Variants in SPDYE5 observed in about 807,000 individuals in gnomAD.
SPDYE5 encodes the protein speedy/RINGO cell cycle regulator family member E5, also known as speedy protein E5.
In SPDYE5, 15 loss-of-function variants were observed where a neutral mutation model predicts 48.5. The ratio of observed to expected loss-of-function variants is 0.31; its 90% CI spans 0.21 to 0.48. The LOEUF (loss-of-function observed/expected upper bound fraction) is 0.48, where lower values mean the gene tolerates loss of function less well. Among genes scored for constraint, SPDYE5 ranks in the 20% least tolerant of loss-of-function variants. SPDYE5 has a pLI of 0.99. For missense variants in SPDYE5, 331 were observed against 549.1 expected (o/e 0.60, Z 3.97); for synonymous variants, 116 against 200.7 (o/e 0.58, Z 3.57).
In SPDYE5 at chr7:75,501,626, G is replaced by A. The variant is rs2116626268; in HGVS notation, c.1020G>A (p.Gln340=). 6.2e-7 allele frequency: 1 copy of A among 1,613,216 alleles called. No homozygotes were observed. Among genetic ancestry groups the A allele is most frequent in the Admixed American group, 1.7e-5 (1 of 59,974 alleles). Residue 340 remains glutamine (Q), a synonymous_variant, in exon 7 of 9, where the codon CAG becomes CAA. Coordinates refer to ENST00000625065, the MANE Select transcript of SPDYE5 (RefSeq NM_001306141.4). ...CCTTGCTCCGTAAGCGTCGGTTCCA[G>A]TTAGGCCGTTCCATGAACCTGAGGG... ...RIPLLRKRRF[Q]LGRSMNLRAR...
Position 75,503,502 on chromosome 7 carries a change from A to G in SPDYE5, c.*715A>G, listed in dbSNP as rs1793223157. 6.5e-6 allele frequency: 1 copy of G among 153,052 alleles called. No homozygotes were observed. Among genetic ancestry groups the G allele is most frequent in the African/African-American group, 2.4e-5 (1 of 41,400 alleles). 9.5% of individuals were successfully genotyped at this position (153,052 alleles called of 1,614,324 possible). A position where few individuals can be genotyped will look rare whatever the true frequency, so the allele number is the denominator to read the frequency against. ...TTATCTTTAAATTTCTTTCTGTATT[A>G]TTATATGTGCTCCTGAAGCGAGCAC... On this transcript the variant is annotated 3_prime_UTR_variant, in exon 9 of 9. Coordinates refer to ENST00000625065, the MANE Select transcript of SPDYE5 (RefSeq NM_001306141.4).
intron 2 of SPDYE5, chr7:75,494,739 G>C (rs1792864051): frequency 1.4e-6 from 1 of 721,986 alleles, no homozygotes; most frequent in Non-Finnish European, 1.7e-6. Context: ...GTACAAAATG[G>C]AGCTGGGCAT....
chr7:75,493,080 G>T (rs1792795645), intron 1 of SPDYE5, among the ~76,000 whole-genome samples: 1 of 152,178 alleles, frequency 6.6e-6, no homozygotes, highest in African/African-American at 2.4e-5. Flanking sequence ...GGGATTACAA[G>T]CATGAGCCAC....
intron 3 of SPDYE5, 55 bp downstream of exon 3, chr7:75,495,429 A>G (rs1344089270): frequency 6.3e-7 from 1 of 1,586,646 alleles, no homozygotes; most frequent in Non-Finnish European, 8.5e-7. Context: ...AAAAGAGGAA[A>G]CTTCCAATAA....
intron 1 of SPDYE5, among the ~76,000 whole-genome samples, chr7:75,492,874 C>T (rs1468432359): frequency 6.6e-6 from 1 of 152,204 alleles, no homozygotes; most frequent in Non-Finnish European, 1.5e-5. Flanking sequence ...TGGCTCACTG[C>T]AGCTTCTAAC....
At chr7:75,494,401 C>T (rs1388722036) in intron 2 of SPDYE5, among the ~76,000 whole-genome samples, 194 bp downstream of exon 2, 3 of 150,584 alleles carry the variant, frequency 2.0e-5, no homozygotes, top group Admixed American at 1.3e-4. Flanking sequence ...TAAAAATTAG[C>T]CAAGTGGTAG....
In SPDYE5 at chr7:75,494,173, G is replaced by A. The variant is rs1792838297; in HGVS notation, c.126G>A (p.Gln42=). 1 of 1,534,950 alleles carries A rather than the reference G, an allele frequency of 6.5e-7. No homozygotes were observed. The highest frequency in any genetic ancestry group is 2.0e-5 in the Admixed American group (1 of 50,940). Residue 42 remains glutamine (Q), a synonymous_variant, in exon 2 of 9, where the codon CAG becomes CAA. Transcript: ENST00000625065. ...PQRSTSGYPL[Q]EVVDDEVLGP... is the part of the protein sequence containing the mutation. Reference sequence around the variant, plus strand: ...GGAGCACCTCGGGGTACCCCCTCCAGGAGGTGGTGGATGATGAAGTGTTGG... The same window carrying A: ...GGAGCACCTCGGGGTACCCCCTCCAAGAGGTGGTGGATGATGAAGTGTTGG...
intron 3 of SPDYE5, among the ~76,000 whole-genome samples, chr7:75,496,385 T>G (rs1391817422): frequency 1.2e-5 from 1 of 82,324 alleles, no homozygotes. Context: ...AGACTGTTTC[T>G]CAACAACAAC....
chr7:75,495,919 A>C (rs587647148), intron 3 of SPDYE5, among the ~76,000 whole-genome samples: 5 of 151,298 alleles, frequency 3.3e-5, no homozygotes, highest in African/African-American at 1.2e-4. Flanking sequence ...TATCCCAGCT[A>C]CTCGGGAGGC....
rs201255428 is a variant in SPDYE5 at position 75,495,239 on chromosome 7, C to A, written c.244C>A (p.Pro82Thr). The change falls in exon 3 of 9, where the codon CCG (proline) becomes ACG (threonine). Residue 82 changes from proline to threonine, a missense_variant. Pro to Thr is a conservative substitution (Grantham distance 38). Transcript: ENST00000625065. ...GTGGTCAGATGAATCTGCGGAGGAGCCGGAGAAGGAGCTCGCCCCTGAACC... is the reference window on the plus strand; with the variant it reads ...GTGGTCAGATGAATCTGCGGAGGAGACGGAGAAGGAGCTCGCCCCTGAACC... Reference protein sequence around the residue: ...REWSDESAEEPEKELAPEPEE... With the variant: ...REWSDESAEETEKELAPEPEE... 4.2e-4 allele frequency: 678 copies of A among 1,596,910 alleles called. 4 individuals carry two copies. Among genetic ancestry groups the A allele is most frequent in the South Asian group, 3.4e-3 (305 of 90,936 alleles).
At chr7:75,492,502 G>A (rs879949228) in intron 1 of SPDYE5, among the ~76,000 whole-genome samples, 61 bp downstream of exon 1, 6 of 152,100 alleles carry the variant, frequency 3.9e-5, no homozygotes, top group Non-Finnish European at 7.3e-5. Flanking sequence ...ACAATGGTGC[G>A]ATCTTGGCTC....
At chr7:75,497,099 G>A (rs782090822) in intron 4 of SPDYE5, among the ~76,000 whole-genome samples, 195 bp downstream of exon 4, 61 of 151,996 alleles carry the variant, frequency 4.0e-4, no homozygotes, top group Non-Finnish European at 7.8e-4. Context: ...AAAGGTCAGC[G>A]CTTGGGATAA....
At chr7:75,499,583 A>G (rs1285414356) in intron 6 of SPDYE5, among the ~76,000 whole-genome samples, 1 of 152,102 alleles carries the variant, frequency 6.6e-6, no homozygotes, top group Non-Finnish European at 1.5e-5. Flanking sequence ...CCTGGCCAAC[A>G]TGGCCAAACC....
rs1198289070 is a variant in SPDYE5, at chr7:75,492,422, G to A, written c.-441G>A. ...GAAAGCAGCAGCCCATTAGGAAAACGTGTGGGAACTCACTCGCAGGTTCTT... is the reference window on the plus strand; with the variant it reads ...GAAAGCAGCAGCCCATTAGGAAAACATGTGGGAACTCACTCGCAGGTTCTT... On this transcript the variant is annotated 5_prime_UTR_variant, in exon 1 of 9. It adds an upstream start codon to the 5' untranslated region. Coordinates refer to ENST00000625065, the MANE Select transcript of SPDYE5 (RefSeq NM_001306141.4). 2.6e-5 allele frequency among the ~76,000 whole-genome samples: 4 copies of A among 152,204 alleles called. No individual in the cohort carries two copies. Among genetic ancestry groups the A allele is most frequent in the Middle Eastern group, 3.4e-3 (1 of 294 alleles).
In SPDYE5 at chr7:75,503,802, ATATT is replaced by A. The variant is rs1324540601; in HGVS notation, c.*1022_*1025del. On this transcript the variant is annotated 3_prime_UTR_variant, in exon 9 of 9. Transcript: ENST00000625065. Reference sequence around the variant, plus strand: ...TTATTTATTGAAATATTTATTAAATATATTTATTTAAATATTATTACTTGAAATA... The same window carrying A: ...TTATTTATTGAAATATTTATTAAATATATTTAAATATTATTACTTGAAATA... The A allele has an allele frequency of 1.7e-4, 26 of 149,850 alleles. No individual in the cohort carries two copies. Among genetic ancestry groups the A allele is most frequent in the Non-Finnish European group, 2.5e-4 (17 of 67,546 alleles). The allele number at this position is 149,850 out of a possible 1,614,324, so 9.3% of individuals were successfully genotyped here.
At chr7:75,492,308 G>A (rs1554481849), upstream of SPDYE5, among the ~76,000 whole-genome samples, 1 of 152,138 alleles carries the variant, frequency 6.6e-6, no homozygotes, top group African/African-American at 2.4e-5. Context: ...CTCCAGAAAA[G>A]CAGAGCTTCC....
chr7:75,493,971 C>T lies in SPDYE5; in HGVS notation c.-77C>T. 1 of 1,516,362 alleles carries T rather than the reference C, an allele frequency of 6.6e-7. No homozygotes were observed. Among genetic ancestry groups the T allele is most frequent in the Non-Finnish European group, 8.8e-7 (1 of 1,137,182 alleles). 93.9% of individuals were successfully genotyped at this position (1,516,362 alleles called of 1,614,324 possible). On this transcript the variant is annotated 5_prime_UTR_variant, in exon 2 of 9. Transcript: ENST00000625065. Reference sequence around the variant, plus strand: ...ACAACAGTATCTTCTCAGAGCTGTTCTCCACTCCTGACTTCTCCTAGGCTT... The same window carrying T: ...ACAACAGTATCTTCTCAGAGCTGTTTTCCACTCCTGACTTCTCCTAGGCTT...
rs781946218 is a variant in SPDYE5, at chr7:75,501,912, C to T, written c.1184C>T (p.Ala395Val). 2.5e-5 allele frequency: 40 copies of T among 1,609,918 alleles called. No homozygotes were observed. The highest frequency in any genetic ancestry group is 6.7e-5 in the Admixed American group (4 of 59,914). Residue 395 changes from alanine (A) to valine (V), a missense_variant, in exon 8 of 9, where the codon GCG (alanine) becomes GTG (valine). Around this residue, in one of 8 missense-constraint regions of SPDYE5, gnomAD observed 101 missense variants for 104.0 expected, o/e 0.97. Coordinates refer to ENST00000625065, the MANE Select transcript of SPDYE5 (RefSeq NM_001306141.4). Reference sequence around the variant, plus strand: ...TATGACCCAGAGCACTGGGTGTGGGCGCGAGATCGCGCTCACCTTTCCTAG... The same window carrying T: ...TATGACCCAGAGCACTGGGTGTGGGTGCGAGATCGCGCTCACCTTTCCTAG... ...QAYDPEHWVWARDRAHLS is the reference protein window; with the variant it reads ...QAYDPEHWVWVRDRAHLS
intron 1 of SPDYE5, among the ~76,000 whole-genome samples, chr7:75,492,789 A>AT (rs1421458385): frequency 6.7e-6 from 1 of 148,258 alleles, no homozygotes; most frequent in Non-Finnish European, 1.5e-5. Flanking sequence ...TAACTCTTTT[A>AT]TTTTTTATCA....
Sources: allele counts gnomAD v4.1 joint callset (sites outside exome capture counted in the v4.1 genomes callset), GRCh38; gene constraint gnomAD v4.1.1; regional missense constraint gnomAD v4.1.1; transcripts MANE v1.5; gene names NCBI Gene and HGNC (gene_info 2026-07-23, HGNC 2026-07-21).